Variants in GSK3B observed in about 807,000 individuals in gnomAD.
The protein encoded by GSK3B is glycogen synthase kinase-3 beta.
A neutral mutation model predicts 56.4 loss-of-function variants in GSK3B; 15 were observed. The ratio of observed to expected loss-of-function variants is 0.27; its 90% confidence interval spans 0.18 to 0.41. The LOEUF (loss-of-function observed/expected upper bound fraction) is 0.41. Among genes scored for constraint, GSK3B ranks in the 10% least tolerant of loss-of-function variants. The pLI, the probability that GSK3B is intolerant of heterozygous loss-of-function variation, is 1.00. For missense variants in GSK3B, 300 were observed against 513.4 expected (o/e 0.58, Z 4.02); for synonymous variants, 181 against 188.9 (o/e 0.96, Z 0.34).
intron 2 of GSK3B, among the ~76,000 whole-genome samples, chr3:119,969,920 C>T (rs2057350732): frequency 6.6e-6 from 1 of 152,198 alleles, no homozygotes; most frequent in South Asian, 2.1e-4. Context: ...CCATCCCAGT[C>T]CCTCCTACCA....
intron 1 of GSK3B, among the ~76,000 whole-genome samples, chr3:120,061,481 T>C (rs1045827365): frequency 2.6e-5 from 4 of 152,192 alleles, no homozygotes; most frequent in African/African-American, 9.7e-5. Flanking sequence ...TACATCATCA[T>C]CATTTGTAAT....
intron 1 of GSK3B, among the ~76,000 whole-genome samples, chr3:120,069,326 C>T (rs1432436281): frequency 6.6e-6 from 1 of 152,164 alleles, no homozygotes; most frequent in Non-Finnish European, 1.5e-5. Context: ...AAAGGTTTCT[C>T]TCCCCAACTT....
At chr3:119,975,306 G>C (rs557387467) in intron 2 of GSK3B, among the ~76,000 whole-genome samples, 1 of 152,240 alleles carries the variant, frequency 6.6e-6, no homozygotes, top group South Asian at 2.1e-4. Flanking sequence ...AATTAGCTGG[G>C]TGTGGTGGTA....
At chr3:119,951,651 T>C (rs562123704) in intron 2 of GSK3B, among the ~76,000 whole-genome samples, 3 of 152,036 alleles carry the variant, frequency 2.0e-5, no homozygotes, top group African/African-American at 7.2e-5. Context: ...ACATGCAAAC[T>C]ACAGGAAAAG....
chr3:119,885,466 C>T (rs576018701), intron 7 of GSK3B, among the ~76,000 whole-genome samples: 80 of 152,018 alleles, frequency 5.3e-4, no homozygotes, highest in Non-Finnish European at 8.4e-4. Context: ...AGATTCAATG[C>T]TATTCCTATC....
At chr3:119,988,981 T>C (rs1385684036) in intron 2 of GSK3B, among the ~76,000 whole-genome samples, 3 of 152,350 alleles carry the variant, frequency 2.0e-5, no homozygotes, top group Admixed American at 2.0e-4. Context: ...TTGCCTAACA[T>C]TTTTCAGTTT....
At chr3:119,959,247 C>A (rs1576229706) in intron 2 of GSK3B, among the ~76,000 whole-genome samples, 1 of 152,130 alleles carries the variant, frequency 6.6e-6, no homozygotes, top group African/African-American at 2.4e-5. Context: ...AGTCTCAGGG[C>A]TTTAAAGGCT....
intron 7 of GSK3B, among the ~76,000 whole-genome samples, chr3:119,879,881 T>C (rs1243836508): frequency 6.6e-6 from 1 of 152,016 alleles, no homozygotes; most frequent in African/African-American, 2.4e-5. Flanking sequence ...GATGAACACT[T>C]AGGTTGCTTC....
rs188125993 is a variant in GSK3B, at chr3:120,017,375, G to A, written c.89-15136C>T. Reference sequence around the variant, plus strand: ...GTAATCTTTAGTGACAGTAATACCAGATCAGTGCTCTAAATATATTTTTTA... The same window carrying A: ...GTAATCTTTAGTGACAGTAATACCAAATCAGTGCTCTAAATATATTTTTTA... On this transcript the variant is annotated intron_variant, in intron 1 of 10. Coordinates refer to ENST00000264235, the MANE Select transcript of GSK3B (RefSeq NM_001146156.2). Among the ~76,000 whole-genome samples, 68 of 152,218 alleles carry A rather than the reference G, an allele frequency of 4.5e-4. No individual in the cohort carries two copies. In the East Asian group the frequency reaches 9.9e-3, roughly 22 times the overall value.
At chr3:119,970,987 A>G (rs144935135) in intron 2 of GSK3B, among the ~76,000 whole-genome samples, 70 of 152,338 alleles carry the variant, frequency 4.6e-4, no homozygotes, top group Non-Finnish European at 8.2e-4. Flanking sequence ...ATTAAGAAGC[A>G]TATTTTTAAA....
At chr3:120,078,726 T>A (rs1284821152) in intron 1 of GSK3B, among the ~76,000 whole-genome samples, 1 of 149,844 alleles carries the variant, frequency 6.7e-6, no homozygotes, top group Non-Finnish European at 1.5e-5. Flanking sequence ...CTAATTTTTG[T>A]ATTTTTAGTA....
chr3:119,966,937 T>TTA (rs1214983423), intron 2 of GSK3B, among the ~76,000 whole-genome samples: 1 of 152,136 alleles, frequency 6.6e-6, no homozygotes, highest in African/African-American at 2.4e-5. Flanking sequence ...AATGTAAGAC[T>TTA]TATACATTGA....
chr3:120,037,023 TCAG>T (rs1176585111), intron 1 of GSK3B, among the ~76,000 whole-genome samples: 1 of 152,192 alleles, frequency 6.6e-6, no homozygotes, highest in Admixed American at 6.5e-5. Flanking sequence ...CTGTGATAAC[TCAG>T]CAGAACAGCA....
intron 10 of GSK3B, among the ~76,000 whole-genome samples, chr3:119,831,711 A>G (rs965798030): frequency 6.6e-6 from 1 of 152,142 alleles, no homozygotes; most frequent in African/African-American, 2.4e-5. Flanking sequence ...AATTAAGATT[A>G]AGAGCACAGT....
intron 7 of GSK3B, among the ~76,000 whole-genome samples, chr3:119,899,021 C>T (rs1033641591): frequency 6.6e-6 from 1 of 152,108 alleles, no homozygotes; most frequent in African/African-American, 2.4e-5. Flanking sequence ...CCTTAGTCTA[C>T]TAATGATCTT....
At chr3:119,876,761 T>G (rs1189849754) in intron 7 of GSK3B, among the ~76,000 whole-genome samples, 2 of 152,144 alleles carry the variant, frequency 1.3e-5, no homozygotes, top group Admixed American at 6.5e-5. Context: ...CCCTTGTGAA[T>G]GGACTCATGT....
rs1289610034 is a variant in GSK3B, at chr3:119,900,557, C to CAGG, written c.813+5197_813+5198insCCT. ...GGGGAGAAATTATTAGTAAAACTTA[C>CAGG]AGCTTTCCCAGGTCCAAAACTTCCT... On this transcript the variant is annotated intron_variant, in intron 7 of 10. Transcript: ENST00000264235. Among the ~76,000 whole-genome samples the CAGG allele has an allele frequency of 2.6e-5, 4 of 152,150 alleles. No homozygotes were observed. The East Asian group carries it at 7.7e-4, about 29-fold the overall frequency.
chr3:119,924,650 G>A (rs146734245), intron 3 of GSK3B, among the ~76,000 whole-genome samples: 78 of 152,246 alleles, frequency 5.1e-4, no homozygotes, highest in Non-Finnish European at 7.6e-4. Flanking sequence ...TACACTTCAC[G>A]CACTTATGTT....
At chr3:119,883,704 A>C (rs2056403576) in intron 7 of GSK3B, among the ~76,000 whole-genome samples, 1 of 152,144 alleles carries the variant, frequency 6.6e-6, no homozygotes, top group Non-Finnish European at 1.5e-5. Context: ...ACAGACCCAG[A>C]AGGAGTACCT....
Sources: gnomAD v4.1 joint callset for allele counts (sites outside exome capture counted in the v4.1 genomes callset) on GRCh38, gnomAD v4.1.1 for gene constraint, MANE v1.5 for transcripts, NCBI Gene and HGNC (gene_info 2026-07-23, HGNC 2026-07-21) for gene names.